The following GPM6B variants were observed in gnomAD, a reference collection of about 807,000 sequenced individuals.
GPM6B encodes glycoprotein M6B, also known as neuronal membrane glycoprotein M6-b.
Under a neutral mutation model 27.2 loss-of-function variants are expected in GPM6B, and 4 were observed. That is an observed-to-expected ratio of 0.15 (90% CI 0.07 to 0.34). The LOEUF is 0.34. Ranked by LOEUF, GPM6B falls within the 10% of genes least tolerant of loss-of-function variation. The pLI, the probability that GPM6B is intolerant of heterozygous loss-of-function variation, is 1.00. For missense variants in GPM6B, 183 were observed against 261.9 expected, an observed-to-expected ratio of 0.70 and a Z score of 2.08; for synonymous variants, 124 against 103.1, an observed-to-expected ratio of 1.20 and a Z score of -1.23.
chrX:13,782,549 T>C (rs2048534980), intron 4 of GPM6B, among the ~76,000 whole-genome samples: 1 of 109,605 alleles, frequency 9.1e-6, no homozygotes, highest in African/African-American at 3.3e-5. Flanking sequence ...TGGAGGAGGA[T>C]TCCCACTATT....
intron 1 of GPM6B, among the ~76,000 whole-genome samples, chrX:13,823,285 G>A: frequency 8.9e-6 from 1 of 112,198 alleles, no homozygotes; most frequent in Middle Eastern, 4.6e-3. Context: ...AATGGTAGAG[G>A]TGGAGCCCAG....
intron 1 of GPM6B, among the ~76,000 whole-genome samples, chrX:13,809,482 G>A (rs969373359): frequency 4.5e-5 from 5 of 111,313 alleles, no homozygotes; most frequent in African/African-American, 1.6e-4. Flanking sequence ...TCCTTAGATT[G>A]AGATTTTTGT....
rs7051256 is a variant in GPM6B at position 13,839,300 on chromosome X, C to T, written c.-197-53492G>A. On this transcript the variant is annotated intron_variant, in intron 1 of 6. Transcript: ENST00000398361. ...TCTGCCCCACCAACTTCAAGATGTCCCACCTTTCTGGACTGAACCAATCTT... is the reference window on the plus strand; with the variant it reads ...TCTGCCCCACCAACTTCAAGATGTCTCACCTTTCTGGACTGAACCAATCTT... Among the ~76,000 whole-genome samples, 734 of 111,205 alleles carry T rather than the reference C, an allele frequency of 6.6e-3. 13 individuals are homozygous for T. The highest frequency in any genetic ancestry group is 0.022 in the African/African-American group (686 of 30,503).
chrX:13,861,580 T>TG (rs1283863200), intron 1 of GPM6B, among the ~76,000 whole-genome samples: 1 of 112,203 alleles, frequency 8.9e-6, no homozygotes, highest in South Asian at 3.7e-4. Context: ...CAATATTTCT[T>TG]GGCAATCACG....
chrX:13,903,901 C>T lies in GPM6B; in HGVS notation c.-198+34426G>A, dbSNP rs762884112. Among the ~76,000 whole-genome samples, 158 of 110,729 alleles carry T rather than the reference C, an allele frequency of 1.4e-3. 2 individuals carry two copies. The highest frequency in any genetic ancestry group is 4.6e-3 in the Middle Eastern group (1 of 219). ...ATGGGAAAATGGGGTGGGGGCATCT[C>T]CGTAGAGCTAGAGATGACTGCCCCT... On this transcript the variant is annotated intron_variant, in intron 1 of 6. Coordinates refer to the GPM6B transcript ENST00000398361.
intron 1 of GPM6B, among the ~76,000 whole-genome samples, chrX:13,929,449 C>G (rs12849577): frequency 0.46 from 49,264 of 108,147 alleles, 9,031 homozygotes; most frequent in Non-Finnish European, 0.56. Context: ...AAAAAAACTT[C>G]CTTCAACTAA....
chrX:13,874,618 G>C (rs1261985495), intron 1 of GPM6B, among the ~76,000 whole-genome samples: 1 of 111,461 alleles, frequency 9.0e-6, no homozygotes, highest in African/African-American at 3.3e-5. Context: ...GCCAGGGCAG[G>C]AGAATTGCTT....
intron 1 of GPM6B, among the ~76,000 whole-genome samples, chrX:13,876,754 A>G (rs1471312166): frequency 9.1e-6 from 1 of 110,364 alleles, no homozygotes; most frequent in Non-Finnish European, 1.9e-5. Flanking sequence ...AGACAAGAGA[A>G]TGGCTGTTCT....
intron 2 of GPM6B, among the ~76,000 whole-genome samples, chrX:13,789,103 T>C (rs1012733413): frequency 1.6e-4 from 18 of 112,065 alleles, no homozygotes; most frequent in African/African-American, 5.8e-4. Context: ...GCTAGTGACA[T>C]AAAATATGGG....
intron 1 of GPM6B, among the ~76,000 whole-genome samples, chrX:13,828,454 A>G (rs1401040311): frequency 2.7e-5 from 3 of 111,183 alleles, no homozygotes; most frequent in Non-Finnish European, 5.7e-5. Flanking sequence ...AGCCCCCTGG[A>G]CCTTGCACTT....
intron 7 of GPM6B, 87 bp from the exon 8 acceptor site, chrX:13,773,117 A>G: frequency 2.4e-6 from 2 of 828,726 alleles, no homozygotes; most frequent in South Asian, 5.0e-5. Context: ...ACTTGACTTT[A>G]AAGGGGCGAA....
At chrX:13,873,969 A>C (rs960781258) in intron 1 of GPM6B, among the ~76,000 whole-genome samples, 3 of 112,211 alleles carry the variant, frequency 2.7e-5, no homozygotes, top group Non-Finnish European at 3.8e-5. Flanking sequence ...TTAAATGGCA[A>C]AAAAACAGTC....
intron 1 of GPM6B, among the ~76,000 whole-genome samples, chrX:13,847,375 T>C (rs903936118): frequency 8.9e-6 from 1 of 112,606 alleles, no homozygotes; most frequent in African/African-American, 3.2e-5. Context: ...TTGTTCTTTA[T>C]AGATTTCAGT....
chrX:13,904,646 C>T (rs1453512767), intron 1 of GPM6B, among the ~76,000 whole-genome samples: 2 of 111,267 alleles, frequency 1.8e-5, no homozygotes, highest in African/African-American at 6.5e-5. Flanking sequence ...CAGATATTCA[C>T]TATCTGGCTC....
At chrX:13,845,759 A>G (rs747836110) in intron 1 of GPM6B, among the ~76,000 whole-genome samples, 1 of 112,210 alleles carries the variant, frequency 8.9e-6, no homozygotes, top group Non-Finnish European at 1.9e-5. Flanking sequence ...GGGATGCTTT[A>G]GTCTCAAGAC....
chrX:13,930,431 G>A (rs967587541), intron 1 of GPM6B, among the ~76,000 whole-genome samples: 2 of 110,952 alleles, frequency 1.8e-5, no homozygotes, highest in Admixed American at 9.5e-5. Flanking sequence ...TGGCTAACAC[G>A]GTGAAACCCC....
intron 7 of GPM6B, 179 bp downstream of exon 7, chrX:13,776,059 G>A (rs1210175448): frequency 2.2e-5 from 10 of 454,334 alleles, no homozygotes; most frequent in Non-Finnish European, 3.9e-5. Context: ...CAGTGCCAAG[G>A]CAACCAACTA....
intron 1 of GPM6B, among the ~76,000 whole-genome samples, chrX:13,930,346 G>A (rs897278221): frequency 9.0e-6 from 1 of 111,651 alleles, no homozygotes; most frequent in Non-Finnish European, 1.9e-5. Flanking sequence ...CGGGCACGGT[G>A]GCTCACACCT....
intron 1 of GPM6B, among the ~76,000 whole-genome samples, chrX:13,864,806 A>C (rs1320335035): frequency 9.0e-6 from 1 of 111,705 alleles, no homozygotes; most frequent in Non-Finnish European, 1.9e-5. Flanking sequence ...CGTATAGTAA[A>C]GTACAGGTCC....
Sources: gnomAD v4.1 joint callset for allele counts (sites outside exome capture counted in the v4.1 genomes callset) on GRCh38, gnomAD v4.1.1 for gene constraint, MANE v1.5 for transcripts, NCBI Gene and HGNC (gene_info 2026-07-23, HGNC 2026-07-21) for gene names.